The following AGBL4 variants were observed in gnomAD, a reference collection of about 807,000 sequenced individuals.
The protein encoded by AGBL4 is cytosolic carboxypeptidase 6.
AGBL4 carries 58 observed loss-of-function variants against 66.4 expected under a neutral mutation model. The ratio of observed to expected loss-of-function variants is 0.87; its 90% CI spans 0.71 to 1.09. AGBL4 has a LOEUF of 1.09. Ranked by LOEUF, AGBL4 falls within the 50% of genes least tolerant of loss-of-function variation. The pLI is 0.00. For synonymous variants in AGBL4, 234 were observed against 222.9 expected (o/e 1.05, Z -0.44); for missense variants, 579 against 631.0 (o/e 0.92, Z 0.88).
chr1:48,540,649 C>T (rs1236311985), intron 11 of AGBL4, among the ~76,000 whole-genome samples: 3 of 152,174 alleles, frequency 2.0e-5, no homozygotes, highest in Non-Finnish European at 4.4e-5. Context: ...GCACTTATCA[C>T]TTATCTCACA....
At chr1:49,095,905 C>G (rs1480242779) in intron 4 of AGBL4, among the ~76,000 whole-genome samples, 1 of 151,748 alleles carries the variant, frequency 6.6e-6, no homozygotes, top group Non-Finnish European at 1.5e-5. Context: ...AACAGGCAAC[C>G]TACAAAATGG....
intron 4 of AGBL4, among the ~76,000 whole-genome samples, chr1:49,191,026 G>C (rs1410833739): frequency 1.3e-5 from 2 of 152,132 alleles, no homozygotes; most frequent in African/African-American, 2.4e-5. Flanking sequence ...ACTAAATTTA[G>C]CAAATATTGT....
intron 3 of AGBL4, among the ~76,000 whole-genome samples, chr1:49,634,581 T>G (rs1010151541): frequency 3.9e-5 from 6 of 152,184 alleles, no homozygotes; most frequent in Admixed American, 3.9e-4. Flanking sequence ...ATATACCCAG[T>G]AATGGGATTG....
At chr1:49,143,091 G>A (rs989626340) in intron 4 of AGBL4, among the ~76,000 whole-genome samples, 13 of 151,924 alleles carry the variant, frequency 8.6e-5, no homozygotes, top group Admixed American at 6.6e-4. Flanking sequence ...TTGCCCTCAG[G>A]ACAAGCCATC....
At chr1:48,594,326 A>G (rs1644963807) in intron 9 of AGBL4, among the ~76,000 whole-genome samples, 1 of 152,174 alleles carries the variant, frequency 6.6e-6, no homozygotes, top group South Asian at 2.1e-4. Flanking sequence ...CTCCATCTCA[A>G]TAAATAAATA....
At chr1:49,428,060 G>A (rs1390106379) in intron 3 of AGBL4, among the ~76,000 whole-genome samples, 1 of 152,168 alleles carries the variant, frequency 6.6e-6, no homozygotes, top group Admixed American at 6.5e-5. Context: ...AGCACTGATT[G>A]GTGTGTTTAT....
chr1:49,144,680 A>G (rs1646183762), intron 4 of AGBL4, among the ~76,000 whole-genome samples: 1 of 152,148 alleles, frequency 6.6e-6, no homozygotes, highest in Non-Finnish European at 1.5e-5. Flanking sequence ...ATAGACAATG[A>G]TAATTTGATG....
Position 49,845,070 on chromosome 1 carries a change from A to C in AGBL4, c.157+6326T>G, listed in dbSNP as rs1444699278. The C allele has an allele frequency of 3.5e-6, 5 of 1,448,796 alleles. No individual in the cohort carries two copies. In the East Asian group the frequency reaches 6.8e-5, roughly 20 times the overall value. 89.7% of individuals were successfully genotyped at this position (1,448,796 alleles called of 1,614,324 possible). On this transcript the variant is annotated intron_variant, in intron 2 of 13. Transcript: ENST00000371839. The stretch of plus-strand genomic sequence containing the variant: ...TACAGAAAACCTATGTAAAAGAGAA[A>C]CCCTACAAATGTCAGGAATGCAGAA...
At chr1:48,896,739 C>T (rs933386130) in intron 5 of AGBL4, among the ~76,000 whole-genome samples, 1 of 151,456 alleles carries the variant, frequency 6.6e-6, no homozygotes, top group African/African-American at 2.4e-5. Flanking sequence ...ATACCTCTGC[C>T]TAGTCCAAAA....
chr1:49,821,445 A>G (rs776573427), intron 2 of AGBL4, among the ~76,000 whole-genome samples: 2 of 152,222 alleles, frequency 1.3e-5, no homozygotes, highest in Non-Finnish European at 2.9e-5. Context: ...AGTCACCAAT[A>G]TGGCACTCCA....
At chr1:49,559,117 A>G (rs1385959334) in intron 3 of AGBL4, among the ~76,000 whole-genome samples, 1 of 152,134 alleles carries the variant, frequency 6.6e-6, no homozygotes, top group African/African-American at 2.4e-5. Context: ...GTCTTGGGTG[A>G]GATCCAGTGC....
chr1:49,411,487 C>T (rs1362770377), intron 3 of AGBL4, among the ~76,000 whole-genome samples: 1 of 152,148 alleles, frequency 6.6e-6, no homozygotes, highest in Non-Finnish European at 1.5e-5. Context: ...ATCTAGGCAT[C>T]CTTCAATCCA....
Position 49,614,286 on chromosome 1 carries a change from A to T in AGBL4, c.282+83027T>A, listed in dbSNP as rs1313382112. On this transcript the variant is annotated intron_variant, in intron 3 of 13. Coordinates refer to ENST00000371839, the MANE Select transcript of AGBL4 (RefSeq NM_032785.4). ...GACTAGTTTTGTTGTTTCTAACTTT[A>T]TATGAATGGAATCATATGGTATATA... Among the ~76,000 whole-genome samples, 4 of 152,108 alleles carry T rather than the reference A, an allele frequency of 2.6e-5. No homozygotes were observed. The South Asian group carries it at 6.2e-4, about 24-fold the overall frequency.
chr1:49,917,326 G>A (rs570543233), intron 1 of AGBL4, among the ~76,000 whole-genome samples: 2 of 151,746 alleles, frequency 1.3e-5, no homozygotes, highest in South Asian at 4.2e-4. Context: ...TCAGTGTGCT[G>A]TATTCAGGAA....
At chr1:49,024,812 C>T (rs571190154) in intron 5 of AGBL4, among the ~76,000 whole-genome samples, 1 of 152,244 alleles carries the variant, frequency 6.6e-6, no homozygotes, top group South Asian at 2.1e-4. Context: ...CCAATATCTA[C>T]TAGAAGCCTC....
intron 3 of AGBL4, among the ~76,000 whole-genome samples, chr1:49,391,795 T>C (rs1360306170): frequency 6.6e-6 from 1 of 152,008 alleles, no homozygotes; most frequent in Non-Finnish European, 1.5e-5. Context: ...TCTCCTGACC[T>C]CGTGATCTGC....
At chr1:49,424,010 T>C (rs1340819727) in intron 3 of AGBL4, among the ~76,000 whole-genome samples, 1 of 152,120 alleles carries the variant, frequency 6.6e-6, no homozygotes, top group Admixed American at 6.5e-5. Flanking sequence ...TCTGCTTCCT[T>C]CTCTGGCCTG....
At chr1:49,597,665 GA>G (rs1644876635) in intron 3 of AGBL4, among the ~76,000 whole-genome samples, 1 of 152,172 alleles carries the variant, frequency 6.6e-6, no homozygotes, top group South Asian at 2.1e-4. Flanking sequence ...CAGAAGGAAA[GA>G]CAAAAGAGTG....
intron 6 of AGBL4, among the ~76,000 whole-genome samples, chr1:48,674,766 A>G (rs1646337953): frequency 6.6e-6 from 1 of 152,114 alleles, no homozygotes; most frequent in South Asian, 2.1e-4. Context: ...GTAAGTCCTC[A>G]ATTAACTGTG....
Sources: gnomAD v4.1 joint callset for allele counts (sites outside exome capture counted in the v4.1 genomes callset) on GRCh38, gnomAD v4.1.1 for gene constraint, MANE v1.5 for transcripts, NCBI Gene and HGNC (gene_info 2026-07-23, HGNC 2026-07-21) for gene names.